ENOX1: variants seen among roughly 807,000 people sequenced by gnomAD.
ENOX1 encodes ecto-NOX disulfide-thiol exchanger 1.
Under a neutral mutation model 82.5 loss-of-function variants are expected in ENOX1, and 42 were observed. That is an observed-to-expected ratio of 0.51 (90% CI 0.40 to 0.66). The LOEUF is 0.66. Among genes scored for constraint, ENOX1 ranks in the 30% least tolerant of loss-of-function variants. ENOX1 has a pLI of 0.00. For synonymous variants in ENOX1, 271 were observed against 282.2 expected (o/e 0.96, Z 0.40); for missense variants, 608 against 811.6 (o/e 0.75, Z 3.05).
chr13:43,353,175 A>T (rs1418669756), intron 8 of ENOX1, among the ~76,000 whole-genome samples: 2 of 152,212 alleles, frequency 1.3e-5, no homozygotes, highest in African/African-American at 4.8e-5. Flanking sequence ...CAGAAATTCA[A>T]CGTGCTCATA....
At chr13:43,757,695 C>T (rs1246154181) in intron 1 of ENOX1, among the ~76,000 whole-genome samples, 1 of 152,136 alleles carries the variant, frequency 6.6e-6, no homozygotes, top group East Asian at 1.9e-4. Context: ...GAAACAAAGC[C>T]ATTTTACACT....
chr13:43,696,989 G>C (rs138175092), intron 1 of ENOX1, among the ~76,000 whole-genome samples: 1 of 151,956 alleles, frequency 6.6e-6, no homozygotes, highest in Non-Finnish European at 1.5e-5. Flanking sequence ...CAAATGAGGA[G>C]CTGGAAAAAG....
At chr13:43,390,495 C>T (rs192736808) in intron 5 of ENOX1, among the ~76,000 whole-genome samples, 29 of 152,212 alleles carry the variant, frequency 1.9e-4, no homozygotes, top group African/African-American at 7.0e-4. Flanking sequence ...CTCTTGGTGG[C>T]TTATGATAAT....
intron 5 of ENOX1, among the ~76,000 whole-genome samples, chr13:43,392,751 T>G (rs1310765774): frequency 6.6e-6 from 1 of 152,192 alleles, no homozygotes; most frequent in African/African-American, 2.4e-5. Context: ...AAAATTTTAG[T>G]TTCAATATTT....
At chr13:43,578,460 C>T (rs895235440) in intron 2 of ENOX1, among the ~76,000 whole-genome samples, 2 of 152,012 alleles carry the variant, frequency 1.3e-5, no homozygotes, top group Non-Finnish European at 2.9e-5. Flanking sequence ...TAATGAAATG[C>T]TAATAATTCA....
chr13:43,248,043 G>T (rs1297145927), intron 14 of ENOX1, among the ~76,000 whole-genome samples: 1 of 148,452 alleles, frequency 6.7e-6, no homozygotes, highest in Non-Finnish European at 1.5e-5. Context: ...CCGCCACTAC[G>T]CCTGTCTAAT....
intron 12 of ENOX1, among the ~76,000 whole-genome samples, chr13:43,275,896 A>C (rs2044996736): frequency 6.6e-6 from 1 of 152,222 alleles, no homozygotes; most frequent in African/African-American, 2.4e-5. Context: ...ATAGGAATCC[A>C]GGAGATTTCT....
At chr13:43,687,120 T>C (rs1341832524) in intron 1 of ENOX1, among the ~76,000 whole-genome samples, 1 of 152,256 alleles carries the variant, frequency 6.6e-6, no homozygotes, top group Admixed American at 6.5e-5. Flanking sequence ...CATATTGTCC[T>C]ATAATTAGAT....
chr13:43,689,295 A>G (rs760691660), intron 1 of ENOX1, among the ~76,000 whole-genome samples: 1 of 152,228 alleles, frequency 6.6e-6, no homozygotes, highest in African/African-American at 2.4e-5. Context: ...ACTATAAAGC[A>G]TGAGACCAAG....
At chr13:43,299,557 T>G (rs1452280236) in intron 11 of ENOX1, among the ~76,000 whole-genome samples, 2 of 152,158 alleles carry the variant, frequency 1.3e-5, no homozygotes, top group South Asian at 2.1e-4. Context: ...ACAAAGTAAG[T>G]AGCAGAAAGC....
At chr13:43,724,059 A>G (rs2088765687) in intron 1 of ENOX1, among the ~76,000 whole-genome samples, 1 of 152,224 alleles carries the variant, frequency 6.6e-6, no homozygotes, top group Non-Finnish European at 1.5e-5. Flanking sequence ...AAAAACACCT[A>G]CACAGCATAA....
intron 2 of ENOX1, among the ~76,000 whole-genome samples, chr13:43,636,067 C>CA (rs2083402484): frequency 6.6e-6 from 1 of 152,082 alleles, no homozygotes; most frequent in Non-Finnish European, 1.5e-5. Context: ...GACCAAATAA[C>CA]TAAGAGAGTT....
At chr13:43,590,751 G>A (rs2153725049) in intron 2 of ENOX1, among the ~76,000 whole-genome samples, 1 of 145,706 alleles carries the variant, frequency 6.9e-6, no homozygotes. Context: ...GCTCTAGCCT[G>A]GGCGAAAAAG....
intron 1 of ENOX1, among the ~76,000 whole-genome samples, chr13:43,691,698 CT>C (rs567406882): frequency 4.4e-3 from 595 of 135,646 alleles, no homozygotes; most frequent in Middle Eastern, 7.8e-3. Context: ...AGCCCACAGA[CT>C]TTTTTTTTTT....
At chr13:43,595,949 T>C (rs910015913) in intron 2 of ENOX1, among the ~76,000 whole-genome samples, 3 of 152,118 alleles carry the variant, frequency 2.0e-5, no homozygotes, top group Admixed American at 6.5e-5. Flanking sequence ...CTCTTATTAA[T>C]TGTTTCTAAG....
At chr13:43,324,417 A>G (rs1329948877) in intron 10 of ENOX1, among the ~76,000 whole-genome samples, 1 of 152,182 alleles carries the variant, frequency 6.6e-6, no homozygotes, top group Non-Finnish European at 1.5e-5. Context: ...TTAAATCACT[A>G]GTACACTCTA....
intron 13 of ENOX1, among the ~76,000 whole-genome samples, chr13:43,268,680 G>C (rs893183046): frequency 1.3e-5 from 2 of 152,062 alleles, no homozygotes; most frequent in South Asian, 2.1e-4. Context: ...AATATAAAAC[G>C]ATTATGTGTA....
chr13:43,296,787 T>C (rs185086121), intron 12 of ENOX1, among the ~76,000 whole-genome samples: 5 of 152,322 alleles, frequency 3.3e-5, no homozygotes, highest in African/African-American at 1.2e-4. Flanking sequence ...TAAAAGACTT[T>C]ATACACTTTT....
chr13:43,666,874 A>G (rs1454783889), intron 2 of ENOX1, among the ~76,000 whole-genome samples: 4 of 152,186 alleles, frequency 2.6e-5, no homozygotes, highest in Admixed American at 2.6e-4. Context: ...CGTCAGTTCT[A>G]TAAAGGGCAT....
Sources: allele counts gnomAD v4.1 joint callset (sites outside exome capture counted in the v4.1 genomes callset), GRCh38; gene constraint gnomAD v4.1.1; transcripts MANE v1.5; gene names NCBI Gene and HGNC (gene_info 2026-07-23, HGNC 2026-07-21).